Variants in SUCLG2 observed in about 807,000 individuals in gnomAD.
SUCLG2 encodes succinate-CoA ligase GDP-forming subunit beta, also known as succinate--CoA ligase [GDP-forming] subunit beta, mitochondrial.
SUCLG2 carries 42 observed loss-of-function variants against 47.9 expected under a neutral mutation model. That is an observed-to-expected ratio of 0.88 (90% CI 0.69 to 1.14). The LOEUF (loss-of-function observed/expected upper bound fraction) is 1.14. SUCLG2 is among the 50% of genes most tolerant of loss of function. The probability of loss-of-function intolerance (pLI) is 0.00; values close to 1 mark genes in which losing one functional copy is unlikely to be tolerated. For synonymous variants in SUCLG2, 195 were observed against 197.3 expected, an observed-to-expected ratio of 0.99 and a Z score of 0.10; for missense variants, 571 against 525.9, an observed-to-expected ratio of 1.09 and a Z score of -0.84.
intron 1 of SUCLG2, among the ~76,000 whole-genome samples, chr3:67,645,636 A>G (rs1297857809): frequency 7.2e-5 from 11 of 152,118 alleles, no homozygotes; most frequent in Admixed American, 7.2e-4. Context: ...TTAATGATAC[A>G]TCACTTTAAA....
intron 2 of SUCLG2, among the ~76,000 whole-genome samples, chr3:67,589,014 C>A (rs544188831): frequency 1.9e-4 from 29 of 152,286 alleles, no homozygotes; most frequent in Non-Finnish European, 3.1e-4. Flanking sequence ...CCTGCCCATC[C>A]CTCTAACCCC....
intron 10 of SUCLG2, among the ~76,000 whole-genome samples, chr3:67,391,239 C>A (rs555045079): frequency 1.3e-5 from 2 of 152,306 alleles, no homozygotes; most frequent in South Asian, 4.2e-4. Context: ...GTGTCTTTCG[C>A]TTTCTTGACT....
At chr3:67,634,205 T>A (rs939187174) in intron 1 of SUCLG2, among the ~76,000 whole-genome samples, 11 of 152,158 alleles carry the variant, frequency 7.2e-5, no homozygotes, top group Non-Finnish European at 1.3e-4. Context: ...AGCTCTTTGG[T>A]GCCACAACAG....
chr3:67,622,032 A>G (rs1371921108), intron 1 of SUCLG2, among the ~76,000 whole-genome samples: 1 of 152,206 alleles, frequency 6.6e-6, no homozygotes. Flanking sequence ...TCTATCTGCT[A>G]CAGTGGCCCA....
At chr3:67,447,739 T>A (rs1055585043) in intron 9 of SUCLG2, among the ~76,000 whole-genome samples, 1 of 152,244 alleles carries the variant, frequency 6.6e-6, no homozygotes, top group African/African-American at 2.4e-5. Context: ...ATTAATGCAT[T>A]TATTTATTGA....
chr3:67,632,162 C>A (rs749994276), intron 1 of SUCLG2, among the ~76,000 whole-genome samples: 35 of 152,074 alleles, frequency 2.3e-4, no homozygotes, highest in Non-Finnish European at 2.8e-4. Flanking sequence ...CCAGTTCAAG[C>A]ACAAATTCTA....
chr3:67,562,628 A>T (rs1707336910), intron 2 of SUCLG2, among the ~76,000 whole-genome samples: 2 of 152,240 alleles, frequency 1.3e-5, no homozygotes, highest in East Asian at 3.8e-4. Context: ...TATGTAATAA[A>T]GATGCAGCAC....
intron 9 of SUCLG2, among the ~76,000 whole-genome samples, chr3:67,482,308 G>A (rs1219176556): frequency 6.6e-6 from 1 of 152,154 alleles, no homozygotes; most frequent in Non-Finnish European, 1.5e-5. Context: ...TATGCTGATG[G>A]GGCTTCACTT....
chr3:67,621,991 T>A (rs541035099), intron 1 of SUCLG2, among the ~76,000 whole-genome samples: 1 of 152,180 alleles, frequency 6.6e-6, no homozygotes, highest in African/African-American at 2.4e-5. Flanking sequence ...TTATTTAATA[T>A]CAATCTCAGC....
chr3:67,614,889 A>G (rs533811487), intron 1 of SUCLG2, among the ~76,000 whole-genome samples: 1 of 152,208 alleles, frequency 6.6e-6, no homozygotes, highest in South Asian at 2.1e-4. Context: ...CTTCCTTCAC[A>G]TGGATTTTGG....
chr3:67,407,712 G>A (rs1310225999), intron 9 of SUCLG2, among the ~76,000 whole-genome samples: 4 of 152,138 alleles, frequency 2.6e-5, no homozygotes, highest in Non-Finnish European at 5.9e-5. Flanking sequence ...CACTGTAGCA[G>A]GCATGAGGTT....
chr3:67,440,552 T>C (rs1389217947), intron 9 of SUCLG2, among the ~76,000 whole-genome samples: 2 of 151,836 alleles, frequency 1.3e-5, no homozygotes. Context: ...AACAACCCCA[T>C]CAAAAAGTGG....
chr3:67,650,212 T>C (rs1701262232), intron 1 of SUCLG2, among the ~76,000 whole-genome samples: 1 of 152,238 alleles, frequency 6.6e-6, no homozygotes. Context: ...CAACTTCCAA[T>C]GCAGCCGCCA....
intron 9 of SUCLG2, among the ~76,000 whole-genome samples, chr3:67,487,956 G>GGT (rs1705100607): frequency 6.6e-6 from 1 of 151,934 alleles, no homozygotes; most frequent in Non-Finnish European, 1.5e-5. Context: ...AAGTAAACTT[G>GGT]TATATCCATA....
At chr3:67,412,702 A>G (rs1575678857) in intron 9 of SUCLG2, among the ~76,000 whole-genome samples, 1 of 152,174 alleles carries the variant, frequency 6.6e-6, no homozygotes, top group Admixed American at 6.5e-5. Context: ...CTGGTCAAGT[A>G]GTCACCTCCT....
intron 2 of SUCLG2, among the ~76,000 whole-genome samples, chr3:67,545,365 GAGATGAA>G (rs991849989): frequency 6.6e-6 from 1 of 152,180 alleles, no homozygotes; most frequent in African/African-American, 2.4e-5. Flanking sequence ...TACCCCAAGA[GAGATGAA>G]AGATCTCAGA....
chr3:67,498,318 A>G, intron 7 of SUCLG2, 23 bp from the exon 8 acceptor site: 2 of 1,609,756 alleles, frequency 1.2e-6, no homozygotes, highest in South Asian at 1.1e-5. Context: ...GAAAACAATC[A>G]TACTTGAATA....
At chr3:67,596,072 C>T (rs909150170) in intron 2 of SUCLG2, among the ~76,000 whole-genome samples, 3 of 152,220 alleles carry the variant, frequency 2.0e-5, no homozygotes, top group African/African-American at 7.2e-5. Context: ...GGTTGATGAA[C>T]ATCCAACCTC....
At chr3:67,392,965 T>A (rs1559508800) in intron 10 of SUCLG2, among the ~76,000 whole-genome samples, 1 of 151,976 alleles carries the variant, frequency 6.6e-6, no homozygotes, top group East Asian at 1.9e-4. Flanking sequence ...GAGGCATGCA[T>A]CACTACACCT....
Sources: gnomAD v4.1 joint callset for allele counts (sites outside exome capture counted in the v4.1 genomes callset) on GRCh38, gnomAD v4.1.1 for gene constraint, MANE v1.5 for transcripts, NCBI Gene and HGNC (gene_info 2026-07-23, HGNC 2026-07-21) for gene names.